HDAC4: variants seen among roughly 807,000 people sequenced by gnomAD.
HDAC4 encodes the protein histone deacetylase 4, also known as histone deacetylase A.
HDAC4 carries 16 observed loss-of-function variants against 135.1 expected under a neutral mutation model. The ratio of observed to expected loss-of-function variants is 0.12; its 90% CI spans 0.08 to 0.18. The LOEUF is 0.18. Ranked by LOEUF, HDAC4 falls within the 10% of genes least tolerant of loss-of-function variation. The pLI is 1.00. For missense variants in HDAC4, 1,143 were observed against 1,511.8 expected, an observed-to-expected ratio of 0.76 and a Z score of 4.05; for synonymous variants, 685 against 653.4, an observed-to-expected ratio of 1.05 and a Z score of -0.74.
intron 2 of HDAC4, among the ~76,000 whole-genome samples, chr2:239,318,578 T>C (rs1339781907): frequency 1.3e-5 from 2 of 151,912 alleles, no homozygotes; most frequent in Non-Finnish European, 2.9e-5. Flanking sequence ...TTTCCAACTC[T>C]ACTCACTGAC....
At chr2:239,236,358 GA>G (rs137988713) in intron 3 of HDAC4, among the ~76,000 whole-genome samples, 3 of 151,818 alleles carry the variant, frequency 2.0e-5, no homozygotes, top group Admixed American at 2.0e-4. Context: ...GCACCAGAGA[GA>G]AAAAAAACAA....
At chr2:239,175,704 G>A (rs894378407) in intron 5 of HDAC4, among the ~76,000 whole-genome samples, 3 of 152,172 alleles carry the variant, frequency 2.0e-5, no homozygotes, top group Non-Finnish European at 4.4e-5. Flanking sequence ...CTTATAAAAT[G>A]CTCCCGAAAG....
chr2:239,115,217 C>T lies in HDAC4; in HGVS notation c.1627G>A (p.Glu543Lys), dbSNP rs780714076. The change falls in exon 13 of 27, where the codon GAG (glutamate) becomes AAG (lysine). Residue 543 changes from glutamate to lysine, a missense_variant. Glu to Lys is a moderately conservative substitution (Grantham distance 56, BLOSUM62 1). Around this residue, in one of 9 missense-constraint regions of HDAC4, gnomAD observed 196 missense variants for 210.7 expected, o/e 0.93. Coordinates refer to ENST00000543185, the MANE Select transcript of HDAC4 (RefSeq NM_001378414.1). The surrounding 1 kb of genome is among the most constrained non-coding windows in gnomAD (Gnocchi z 6.3). ...ELREHQALLD[E>K]PYLDRLPGQK... ...CCCGGCAGCCGGTCCAGGTAGGGCT[C>T]GTCCAGCAGAGCCTGGTGCTCACGG... The T allele has an allele frequency of 9.9e-6, 16 of 1,612,044 alleles. No individual in the cohort carries two copies. The highest frequency in any genetic ancestry group is 1.3e-5 in the Non-Finnish European group (15 of 1,179,834).
intron 24 of HDAC4, among the ~76,000 whole-genome samples, chr2:239,058,216 C>T (rs960738642): frequency 1.1e-4 from 17 of 151,676 alleles, no homozygotes; most frequent in Admixed American, 7.9e-4. Flanking sequence ...TTAAAGATGA[C>T]GAATGAAAAA....
chr2:239,109,903 C>G (rs1015164993), intron 14 of HDAC4, among the ~76,000 whole-genome samples: 1 of 152,202 alleles, frequency 6.6e-6, no homozygotes, highest in African/African-American at 2.4e-5. Context: ...GAGGCAGACA[C>G]CTGCTTTACT....
intron 1 of HDAC4, among the ~76,000 whole-genome samples, chr2:239,372,650 A>G (rs1208048488): frequency 6.6e-6 from 1 of 152,250 alleles, no homozygotes; most frequent in Non-Finnish European, 1.5e-5. Context: ...ACGCACAAGC[A>G]AGCAGTTTAT....
At chr2:239,090,195 A>C in intron 17 of HDAC4, 79 bp from the exon 18 acceptor site, 13 of 1,019,560 alleles carry the variant, frequency 1.3e-5, no homozygotes, top group Non-Finnish European at 1.9e-5. Context: ...AGAGCAGCTC[A>C]GGTTCCGTGG....
At chr2:239,326,148 A>C (rs545707354) in intron 2 of HDAC4, among the ~76,000 whole-genome samples, 1 of 152,302 alleles carries the variant, frequency 6.6e-6, no homozygotes, top group East Asian at 1.9e-4. Context: ...GGAATAAATA[A>C]GATGTGATGT....
intron 19 of HDAC4, among the ~76,000 whole-genome samples, chr2:239,085,452 G>T (rs761898337): frequency 6.6e-6 from 1 of 152,210 alleles, no homozygotes; most frequent in Non-Finnish European, 1.5e-5. Flanking sequence ...CATCCTAGAC[G>T]CTGAGCTCCT....
intron 2 of HDAC4, among the ~76,000 whole-genome samples, chr2:239,327,846 C>T (rs1342813308): frequency 2.0e-5 from 3 of 152,260 alleles, no homozygotes; most frequent in Admixed American, 1.3e-4. Flanking sequence ...GCCCACACTG[C>T]TCCCTGCAAG....
chr2:239,269,036 G>A (rs994280664), intron 2 of HDAC4, among the ~76,000 whole-genome samples: 13 of 152,262 alleles, frequency 8.5e-5, no homozygotes, highest in Admixed American at 5.9e-4. Flanking sequence ...CATTGGAAAC[G>A]TTCAATTAGA....
At chr2:239,163,706 C>G (rs1044518694) in intron 6 of HDAC4, 97 bp downstream of exon 6, 5 of 1,264,624 alleles carry the variant, frequency 4.0e-6, no homozygotes, top group Non-Finnish European at 5.8e-6. Context: ...TTCCCTGCCT[C>G]CGGTGAAGAG....
intron 16 of HDAC4, among the ~76,000 whole-genome samples, chr2:239,097,584 T>C (rs942812288): frequency 1.3e-5 from 2 of 152,236 alleles, no homozygotes; most frequent in Non-Finnish European, 2.9e-5. Flanking sequence ...CAGCAAGTAG[T>C]GGACGTGGGG....
chr2:239,345,806 CAT>C lies in HDAC4; in HGVS notation c.22+6870_22+6871del, dbSNP rs1692596031. On this transcript the variant is annotated intron_variant, in intron 2 of 26. Coordinates refer to ENST00000543185, the MANE Select transcript of HDAC4 (RefSeq NM_001378414.1). ...AAACACACATACACACCCTAACACACATACACATCGTCTAAAATACACACCCC... is the reference window on the plus strand; with the variant it reads ...AAACACACATACACACCCTAACACACACACATCGTCTAAAATACACACCCC... Among the ~76,000 whole-genome samples the C allele has an allele frequency of 2.0e-5, 3 of 147,240 alleles. No individual in the cohort carries two copies. In the South Asian group the frequency reaches 6.6e-4, roughly 32 times the overall value.
At chr2:239,253,324 AG>A (rs2048887593) in intron 2 of HDAC4, among the ~76,000 whole-genome samples, 1 of 152,232 alleles carries the variant, frequency 6.6e-6, no homozygotes, top group South Asian at 2.1e-4. Flanking sequence ...TTGGGCATGA[AG>A]GCAATCTTGA....
At chr2:239,144,528 A>AG in intron 8 of HDAC4, 55 bp downstream of exon 8, 1 of 1,610,582 alleles carries the variant, frequency 6.2e-7, no homozygotes, top group Non-Finnish European at 8.5e-7. Flanking sequence ...CGCCTATGGC[A>AG]GGAAGGCCTG....
intron 5 of HDAC4, among the ~76,000 whole-genome samples, chr2:239,169,379 G>A (rs1036494935): frequency 5.3e-5 from 8 of 152,228 alleles, no homozygotes; most frequent in Non-Finnish European, 8.8e-5. Context: ...GCACTGCAGC[G>A]TCACCAGCAC....
At position 239,162,008 on chromosome 2, in the gene HDAC4, C is replaced by T. The variant is rs1404481691; in HGVS notation, c.611+1795G>A. ...CTTCTATTCCTGCTGGCCTCGGCCC[C>T]CCGTCCACTGTCCACTGACTCCTGG... On this transcript the variant is annotated intron_variant, in intron 6 of 26. Transcript: ENST00000543185. The T allele has an allele frequency of 1.4e-5, 6 of 415,982 alleles. No individual in the cohort carries two copies. In the Admixed American group the frequency reaches 1.5e-4, roughly 10 times the overall value. The allele number at this position is 415,982 out of a possible 1,614,324, so 25.8% of individuals were successfully genotyped here. A position where few individuals can be genotyped will look rare whatever the true frequency, so the allele number is the denominator to read the frequency against.
chr2:239,068,597 T>C lies in HDAC4; in HGVS notation c.2761A>G (p.Met921Val). 2.5e-6 allele frequency: 4 copies of C among 1,613,808 alleles called. No homozygotes were observed. The highest frequency in any genetic ancestry group is 3.4e-6 in the Non-Finnish European group (4 of 1,179,872). Reference protein sequence around the residue: ...EYLAAFRTVVMPIASEFAPDV... With the variant: ...EYLAAFRTVVVPIASEFAPDV... Reference sequence around the variant, plus strand: ...GGGGCAAACTCGCTGGCGATCGGCATGACCACCGTTCTGCAAAGGACAGGA... The same window carrying C: ...GGGGCAAACTCGCTGGCGATCGGCACGACCACCGTTCTGCAAAGGACAGGA... The change falls in exon 23 of 27, where the codon ATG becomes GTG. Residue 921 changes from methionine to valine, a missense_variant. This residue lies in a region of HDAC4 where 189 missense variants were observed against 317.6 expected (regional missense o/e 0.60). Transcript: ENST00000543185. This position sits in a 1 kb window ranked among gnomAD's most constrained non-coding sequence, Gnocchi z 4.4.
Sources: allele counts gnomAD v4.1 joint callset (sites outside exome capture counted in the v4.1 genomes callset), GRCh38; gene constraint gnomAD v4.1.1; regional missense constraint gnomAD v4.1.1; non-coding constraint Gnocchi (gnomAD v3.1); transcripts MANE v1.5; gene names NCBI Gene and HGNC (gene_info 2026-07-23, HGNC 2026-07-21).